The following CHST9 variants were observed in gnomAD, a reference collection of about 807,000 sequenced individuals.
CHST9 encodes GalNAc-4-sulfotransferase 2.
Under a neutral mutation model 44.4 loss-of-function variants are expected in CHST9, and 41 were observed. The observed-to-expected ratio is 0.92, with a 90% CI of 0.72 to 1.20. CHST9 has a LOEUF of 1.20. Ranked by LOEUF, CHST9 falls within the 50% of genes most tolerant of loss-of-function variation. The pLI is 0.00. For missense variants in CHST9, 504 were observed against 516.5 expected (o/e 0.98, Z 0.23); for synonymous variants, 171 against 178.4 (o/e 0.96, Z 0.33).
intron 4 of CHST9, among the ~76,000 whole-genome samples, chr18:27,000,744 T>C (rs369968749): frequency 6.2e-4 from 94 of 152,208 alleles, no homozygotes; most frequent in African/African-American, 2.1e-3. Context: ...AAATTTACCT[T>C]TCCCCTAAAA....
intron 2 of CHST9, among the ~76,000 whole-genome samples, chr18:27,067,071 T>G (rs1458186791): frequency 6.6e-6 from 1 of 152,162 alleles, no homozygotes; most frequent in Non-Finnish European, 1.5e-5. Flanking sequence ...CTAATTCTAC[T>G]TTCTTGAAAG....
chr18:26,950,208 C>T lies in CHST9; in HGVS notation c.203-5842G>A, dbSNP rs184846792. On this transcript the variant is annotated intron_variant, in intron 4 of 5. Coordinates refer to ENST00000618847, the MANE Select transcript of CHST9 (RefSeq NM_031422.6). ...GTAACTGCTGTGCCCTGGGCCTAGGCGACATACCTCACAGACATTATGTCC... is the reference window on the plus strand; with the variant it reads ...GTAACTGCTGTGCCCTGGGCCTAGGTGACATACCTCACAGACATTATGTCC... Among the ~76,000 whole-genome samples, 4 of 152,218 alleles carry T rather than the reference C, an allele frequency of 2.6e-5. No homozygotes were observed. The East Asian group carries it at 7.7e-4, about 29-fold the overall frequency.
At chr18:26,981,783 C>A (rs1191592390) in intron 4 of CHST9, among the ~76,000 whole-genome samples, 1 of 152,198 alleles carries the variant, frequency 6.6e-6, no homozygotes, top group East Asian at 1.9e-4. Context: ...TAACTGTAAT[C>A]ATTTCTGACA....
At chr18:27,182,624 G>T (rs529877796) in intron 1 of CHST9, among the ~76,000 whole-genome samples, 85 of 152,278 alleles carry the variant, frequency 5.6e-4, no homozygotes, top group Admixed American at 1.4e-3. Flanking sequence ...TAATATTGAA[G>T]CTCTAATTAG....
chr18:27,164,839 G>A (rs2058777585), intron 1 of CHST9, among the ~76,000 whole-genome samples: 1 of 152,112 alleles, frequency 6.6e-6, no homozygotes, highest in Non-Finnish European at 1.5e-5. Context: ...AATTCTCAAG[G>A]AAAACAATTA....
chr18:26,994,968 A>G (rs1000241134), intron 4 of CHST9, among the ~76,000 whole-genome samples: 2 of 152,150 alleles, frequency 1.3e-5, no homozygotes, highest in Admixed American at 1.3e-4. Flanking sequence ...TTGTGAAAAG[A>G]CTGTGGCTTC....
chr18:27,047,804 T>C (rs1296357531), intron 3 of CHST9, among the ~76,000 whole-genome samples: 1 of 152,154 alleles, frequency 6.6e-6, no homozygotes, highest in Non-Finnish European at 1.5e-5. Context: ...TTCTGGGCAC[T>C]GTGAGCTGCA....
chr18:26,968,601 T>C (rs962205246), intron 4 of CHST9, among the ~76,000 whole-genome samples: 1 of 152,250 alleles, frequency 6.6e-6, no homozygotes, highest in Non-Finnish European at 1.5e-5. Flanking sequence ...TGAAAATTTG[T>C]TTGCATGTGT....
chr18:26,995,424 C>A (rs150029373), intron 4 of CHST9, among the ~76,000 whole-genome samples: 2 of 127,736 alleles, frequency 1.6e-5, no homozygotes, highest in Non-Finnish European at 3.2e-5. Context: ...GGTGACAGAG[C>A]GAGACTCCGT....
chr18:27,044,970 G>A (rs781447715), intron 3 of CHST9, among the ~76,000 whole-genome samples: 5 of 150,442 alleles, frequency 3.3e-5, no homozygotes, highest in Admixed American at 1.3e-4. Context: ...AAAGTAAGCC[G>A]CAAGGGACTG....
intron 5 of CHST9, chr18:26,935,894 T>G (rs1433899017): frequency 1.3e-5 from 2 of 152,238 alleles, no homozygotes; most frequent in African/African-American, 2.4e-5. Flanking sequence ...GAAAAACAAG[T>G]GCTACTTTGT....
In CHST9 at chr18:26,909,512, T is replaced by C. The variant is rs2055411907; in HGVS notation, c.*6747A>G. 2 of 152,216 alleles carry C rather than the reference T, an allele frequency of 1.3e-5. No homozygotes were observed. Among genetic ancestry groups the C allele is most frequent in the East Asian group, 3.8e-4 (2 of 5,200 alleles). 9.4% of individuals were successfully genotyped at this position (152,216 alleles called of 1,614,324 possible). On this transcript the variant is annotated 3_prime_UTR_variant, in exon 6 of 6. Coordinates refer to ENST00000618847, the MANE Select transcript of CHST9 (RefSeq NM_031422.6). ...AGTTAAATCAGGGCTTATTTTTTCC[T>C]AAGGATAATCACAGTCAAACAAATA...
intron 4 of CHST9, among the ~76,000 whole-genome samples, chr18:26,984,011 A>G (rs1365895183): frequency 1.3e-5 from 2 of 152,142 alleles, no homozygotes; most frequent in Non-Finnish European, 2.9e-5. Context: ...CCCCTTTACC[A>G]GCTTGGTTTT....
chr18:27,156,210 G>A (rs1208202411), intron 1 of CHST9, among the ~76,000 whole-genome samples: 1 of 151,360 alleles, frequency 6.6e-6, no homozygotes, highest in East Asian at 1.9e-4. Context: ...GATTTTGTCA[G>A]TGTCAAAAGT....
chr18:26,944,855 G>C (rs2056138412), intron 4 of CHST9, among the ~76,000 whole-genome samples: 1 of 152,240 alleles, frequency 6.6e-6, no homozygotes, highest in South Asian at 2.1e-4. Context: ...ATTATACTTT[G>C]TTGTTATGGT....
chr18:26,943,876 A>G (rs986601496), intron 5 of CHST9, among the ~76,000 whole-genome samples: 2 of 152,226 alleles, frequency 1.3e-5, no homozygotes, highest in Non-Finnish European at 2.9e-5. Context: ...CCAGAATGGA[A>G]GATCAACTTG....
At chr18:26,972,294 T>C (rs142780489) in intron 4 of CHST9, among the ~76,000 whole-genome samples, 2,068 of 137,022 alleles carry the variant, frequency 0.015, 51 homozygotes, top group African/African-American at 0.055. Context: ...GAGGCGGAGG[T>C]TGTAGTGAGC....
chr18:27,053,167 GAAGAA>G (rs1568150914), intron 2 of CHST9, among the ~76,000 whole-genome samples: 3 of 146,432 alleles, frequency 2.0e-5, no homozygotes, highest in Admixed American at 7.0e-5. Context: ...AGAAGAAGAA[GAAGAA>G]GAAGAAGAAG....
intron 1 of CHST9, among the ~76,000 whole-genome samples, chr18:27,159,207 G>T (rs2058724700): frequency 6.6e-6 from 1 of 152,160 alleles, no homozygotes. Flanking sequence ...GAATGGTATT[G>T]CCTAGGTTTT....
Sources: gnomAD v4.1 joint callset for allele counts (sites outside exome capture counted in the v4.1 genomes callset) on GRCh38, gnomAD v4.1.1 for gene constraint, MANE v1.5 for transcripts, NCBI Gene and HGNC (gene_info 2026-07-23, HGNC 2026-07-21) for gene names.